Variants in CORO2A observed in about 807,000 individuals in gnomAD.
CORO2A encodes coronin 2A.
Under a neutral mutation model 62.4 loss-of-function variants are expected in CORO2A, and 47 were observed. That is an observed-to-expected ratio of 0.75 (90% CI 0.60 to 0.96). CORO2A has a LOEUF of 0.96. Among genes scored for constraint, CORO2A ranks in the 40% least tolerant of loss-of-function variants. The pLI, the probability that CORO2A is intolerant of heterozygous loss-of-function variation, is 0.00. For synonymous variants in CORO2A, 273 were observed against 268.9 expected, an observed-to-expected ratio of 1.02 and a Z score of -0.15; for missense variants, 610 against 684.1, an observed-to-expected ratio of 0.89 and a Z score of 1.21.
At chr9:98,161,457 G>A (rs1827884764) in intron 1 of CORO2A, among the ~76,000 whole-genome samples, 1 of 152,170 alleles carries the variant, frequency 6.6e-6, no homozygotes, top group South Asian at 2.1e-4. Context: ...TGGAGGCTGA[G>A]GCAGGAGAAT....
chr9:98,149,890 T>C (rs77613317), intron 2 of CORO2A, among the ~76,000 whole-genome samples: 2,070 of 152,228 alleles, frequency 0.014, 49 homozygotes, highest in African/African-American at 0.046. Flanking sequence ...ACACATTTTA[T>C]CTAGGATCAG....
chr9:98,161,562 T>C (rs1216483848), intron 1 of CORO2A, among the ~76,000 whole-genome samples: 1 of 151,984 alleles, frequency 6.6e-6, no homozygotes, highest in Non-Finnish European at 1.5e-5. Flanking sequence ...TCAAAAATAA[T>C]TAATAATAAT....
intron 2 of CORO2A, among the ~76,000 whole-genome samples, chr9:98,148,505 T>C (rs182128612): frequency 6.7e-6 from 1 of 150,244 alleles, no homozygotes; most frequent in East Asian, 1.9e-4. Flanking sequence ...TCCAGAAGTT[T>C]GGGGTGGGTG....
At chr9:98,157,710 T>C (rs370613920) in intron 1 of CORO2A, 50 bp from the exon 2 acceptor site, 73 of 1,522,116 alleles carry the variant, frequency 4.8e-5, no homozygotes, top group Non-Finnish European at 6.5e-5. Flanking sequence ...GCCCTGATCA[T>C]GGGACACACA....
chr9:98,188,736 C>T (rs976687824), intron 1 of CORO2A, among the ~76,000 whole-genome samples: 8 of 152,136 alleles, frequency 5.3e-5, no homozygotes, highest in African/African-American at 1.7e-4. Flanking sequence ...TGCCACTGCA[C>T]TTCAGCCTGG....
At chr9:98,190,729 G>A (rs1027374178) in intron 1 of CORO2A, among the ~76,000 whole-genome samples, 44 of 152,136 alleles carry the variant, frequency 2.9e-4, no homozygotes, top group African/African-American at 1.0e-3. Flanking sequence ...GGCCAAAAAG[G>A]CTTGAATTAG....
rs146082270 is a variant in CORO2A, at chr9:98,141,437, C to T, written c.202-3749G>A. ...TGCGATCCCGGATCACTGCAACCTC[C>T]ACCTCCCAGGTTCAAGCAATTCTCC... is the stretch of plus-strand genomic sequence containing the variant. On this transcript the variant is annotated intron_variant, in intron 2 of 11. Coordinates refer to ENST00000375077, the MANE Select transcript of CORO2A (RefSeq NM_052820.4). Among the ~76,000 whole-genome samples, 910 of 151,786 alleles carry T rather than the reference C, an allele frequency of 6.0e-3. 13 individuals are homozygous for T. Among genetic ancestry groups the T allele is most frequent in the African/African-American group, 0.021 (867 of 41,338 alleles).
At chr9:98,190,066 G>A (rs1215525453) in intron 1 of CORO2A, among the ~76,000 whole-genome samples, 1 of 152,030 alleles carries the variant, frequency 6.6e-6, no homozygotes, top group Non-Finnish European at 1.5e-5. Context: ...TATATTTTTA[G>A]TACAGACAGG....
intron 1 of CORO2A, among the ~76,000 whole-genome samples, chr9:98,182,878 TTTTC>T (rs1174808116): frequency 6.6e-6 from 1 of 152,234 alleles, no homozygotes; most frequent in African/African-American, 2.4e-5. Flanking sequence ...TTCTGTTGCT[TTTTC>T]TTTCTTAATG....
At chr9:98,191,699 C>A (rs1211591526) in intron 1 of CORO2A, among the ~76,000 whole-genome samples, 1 of 152,178 alleles carries the variant, frequency 6.6e-6, no homozygotes, top group East Asian at 1.9e-4. Flanking sequence ...GGACCACAGT[C>A]CCTCAGACCT....
chr9:98,174,937 C>T (rs545316285), intron 1 of CORO2A, among the ~76,000 whole-genome samples: 6 of 152,114 alleles, frequency 3.9e-5, no homozygotes, highest in South Asian at 2.1e-4. Context: ...TGGTTAAAAT[C>T]GTAAACTTTG....
chr9:98,136,539 T>C (rs1013857435), intron 3 of CORO2A, among the ~76,000 whole-genome samples: 1 of 152,260 alleles, frequency 6.6e-6, no homozygotes, highest in Admixed American at 6.5e-5. Flanking sequence ...TCATTTCTAG[T>C]ATTTCCTCAG....
intron 1 of CORO2A, among the ~76,000 whole-genome samples, chr9:98,163,730 ATG>A (rs368890494): frequency 5.9e-5 from 8 of 135,964 alleles, no homozygotes; most frequent in African/African-American, 1.1e-4. Context: ...GTGTGTGTGT[ATG>A]TGTGTGTGTG....
chr9:98,188,680 C>T (rs958343136), intron 1 of CORO2A, among the ~76,000 whole-genome samples: 1 of 152,192 alleles, frequency 6.6e-6, no homozygotes, highest in Non-Finnish European at 1.5e-5. Context: ...ATGAGAATCA[C>T]TTGAACCCAG....
chr9:98,182,289 G>A (rs1828188049), intron 1 of CORO2A, among the ~76,000 whole-genome samples: 1 of 152,178 alleles, frequency 6.6e-6, no homozygotes, highest in South Asian at 2.1e-4. Context: ...GGTCAGTCTG[G>A]GTGAGGCTCC....
chr9:98,191,294 G>A (rs1397933860), intron 1 of CORO2A, among the ~76,000 whole-genome samples: 1 of 152,212 alleles, frequency 6.6e-6, no homozygotes, highest in Non-Finnish European at 1.5e-5. Context: ...ACACATTCCA[G>A]TCCTGATGCA....
intron 1 of CORO2A, among the ~76,000 whole-genome samples, chr9:98,178,669 G>A (rs1490251853): frequency 6.6e-6 from 1 of 152,158 alleles, no homozygotes; most frequent in East Asian, 1.9e-4. Context: ...TGGACCACAT[G>A]AGGCTGCCTG....
chr9:98,170,494 T>A (rs1435759088), intron 1 of CORO2A, among the ~76,000 whole-genome samples: 4 of 152,118 alleles, frequency 2.6e-5, no homozygotes, highest in African/African-American at 9.7e-5. Context: ...CAGGCTGGAG[T>A]GCAATGGCGT....
chr9:98,135,040 CCAG>C, intron 3 of CORO2A, 85 bp from the exon 4 acceptor site: 1 of 1,538,392 alleles, frequency 6.5e-7, no homozygotes, highest in African/African-American at 1.4e-5. Context: ...CTGGCAGTGA[CCAG>C]CAGAAGGACC....
Sources: allele counts gnomAD v4.1 joint callset (sites outside exome capture counted in the v4.1 genomes callset), GRCh38; gene constraint gnomAD v4.1.1; transcripts MANE v1.5; gene names NCBI Gene and HGNC (gene_info 2026-07-23, HGNC 2026-07-21).